ATXN10: variants seen among roughly 807,000 people sequenced by gnomAD.
ATXN10 encodes the protein ataxin-10.
Under a neutral mutation model 52.9 loss-of-function variants are expected in ATXN10, and 28 were observed. The observed-to-expected ratio is 0.53, with a 90% CI of 0.39 to 0.73. The LOEUF is 0.73. ATXN10 is among the 30% of genes least tolerant of loss of function. ATXN10 has a pLI of 0.00. For synonymous variants in ATXN10, 226 were observed against 221.5 expected (o/e 1.02, Z -0.18); for missense variants, 565 against 577.0 (o/e 0.98, Z 0.21).
intron 10 of ATXN10, among the ~76,000 whole-genome samples, chr22:45,830,425 C>T (rs1297691231): frequency 1.3e-5 from 2 of 152,086 alleles, no homozygotes; most frequent in African/African-American, 4.8e-5. Flanking sequence ...AAAATGTAAT[C>T]CACAGAATGG....
rs1555896250 is a variant in ATXN10, at chr22:45,795,415, A to ATTCTATTGTT, written c.1174-11537_1174-11536insGTTTTCTATT. ...ATTCTATTCTATTCTATTCTATTCT[A>ATTCTATTGTT]TTCTATTCTTTTTGAGATGAAGTCT... On this transcript the variant is annotated intron_variant, in intron 9 of 11. Transcript: ENST00000252934. This position sits in a 1 kb window ranked among gnomAD's most constrained non-coding sequence, Gnocchi z 4.6. 0.025 allele frequency among the ~76,000 whole-genome samples: 3,302 copies of ATTCTATTGTT among 134,188 alleles called. 75 individuals are homozygous for ATTCTATTGTT. Among genetic ancestry groups the ATTCTATTGTT allele is most frequent in the Non-Finnish European group, 0.039 (2,366 of 61,370 alleles). 88.0% of individuals were successfully genotyped at this position (134,188 alleles called of 152,430 possible). A position where few individuals can be genotyped will look rare whatever the true frequency, so the allele number is the denominator to read the frequency against.
chr22:45,792,598 G>T (rs985759669), intron 9 of ATXN10: 2 of 194,524 alleles, frequency 1.0e-5, no homozygotes, highest in African/African-American at 2.3e-5. Context: ...AGGGGATGGT[G>T]CTCTCCTTGG....
chr22:45,697,706 T>G (rs936682230), intron 3 of ATXN10, among the ~76,000 whole-genome samples: 7 of 152,182 alleles, frequency 4.6e-5, no homozygotes, highest in African/African-American at 9.6e-5. Flanking sequence ...CTCGGCTCAC[T>G]GCAGGCTCCG....
At chr22:45,778,499 A>T (rs1303310455) in intron 9 of ATXN10, among the ~76,000 whole-genome samples, 1 of 152,242 alleles carries the variant, frequency 6.6e-6, no homozygotes, top group African/African-American at 2.4e-5. Flanking sequence ...TATGCTAACT[A>T]TAGGGTTGTT....
intron 10 of ATXN10, among the ~76,000 whole-genome samples, chr22:45,813,257 T>C (rs1474788868): frequency 1.3e-5 from 2 of 152,196 alleles, no homozygotes; most frequent in Non-Finnish European, 2.9e-5. Context: ...TAGAAACAGC[T>C]GAACTTTATT....
At chr22:45,746,450 C>T (rs1336801998) in intron 9 of ATXN10, among the ~76,000 whole-genome samples, 1 of 151,856 alleles carries the variant, frequency 6.6e-6, no homozygotes, top group Non-Finnish European at 1.5e-5. Flanking sequence ...GGATTAGTAC[C>T]TGTTTTGTAC....
intron 2 of ATXN10, among the ~76,000 whole-genome samples, chr22:45,691,346 C>T (rs970946772): frequency 6.6e-6 from 1 of 152,186 alleles, no homozygotes; most frequent in African/African-American, 2.4e-5. Flanking sequence ...AGTGAGCATT[C>T]GTTGAGCCTG....
At position 45,823,873 on chromosome 22, in the gene ATXN10, G is replaced by A. The variant is rs1014295441; in HGVS notation, c.1237+16851G>A. ...GGTAGGTGGGCACACCCCCTGCTAG[G>A]CTTGGGGGCAGGCACTCAGGTCACC... On this transcript the variant is annotated intron_variant, in intron 10 of 11. Coordinates refer to ENST00000252934, the MANE Select transcript of ATXN10 (RefSeq NM_013236.4). The surrounding 1 kb of genome is among the most constrained non-coding windows in gnomAD (Gnocchi z 4.9). Among the ~76,000 whole-genome samples the A allele has an allele frequency of 1.3e-5, 2 of 152,226 alleles. No homozygotes were observed. The highest frequency in any genetic ancestry group is 4.8e-5 in the African/African-American group (2 of 41,460).
rs1929386914 is a variant in ATXN10 at position 45,842,710 on chromosome 22, C to A, written c.1238-281C>A. Among the ~76,000 whole-genome samples, 2 of 152,164 alleles carry A rather than the reference C, an allele frequency of 1.3e-5. No individual in the cohort carries two copies. Among genetic ancestry groups the A allele is most frequent in the African/African-American group, 4.8e-5 (2 of 41,450 alleles). Reference sequence around the variant, plus strand: ...TTTGAGCTACTCTAAGTCTTTGCTTCCTTGTTCATTCATTCAACAAATACT... The same window carrying A: ...TTTGAGCTACTCTAAGTCTTTGCTTACTTGTTCATTCATTCAACAAATACT... On this transcript the variant is annotated intron_variant, in intron 10 of 11. Transcript: ENST00000252934. The surrounding 1 kb of genome is among the most constrained non-coding windows in gnomAD (Gnocchi z 4.8).
At chr22:45,702,091 T>C (rs1407172340) in intron 4 of ATXN10, among the ~76,000 whole-genome samples, 1 of 152,120 alleles carries the variant, frequency 6.6e-6, no homozygotes, top group African/African-American at 2.4e-5. Flanking sequence ...TTATCTGAAA[T>C]AGATGAATAA....
At chr22:45,767,573 T>TA (rs1926629562) in intron 9 of ATXN10, among the ~76,000 whole-genome samples, 1 of 152,054 alleles carries the variant, frequency 6.6e-6, no homozygotes, top group Non-Finnish European at 1.5e-5. Context: ...GGATAGAAAC[T>TA]AAAATTCTTT....
chr22:45,709,056 A>G (rs977562777), intron 5 of ATXN10, among the ~76,000 whole-genome samples: 2 of 152,156 alleles, frequency 1.3e-5, no homozygotes, highest in Admixed American at 6.5e-5. Flanking sequence ...TTTATTTTGT[A>G]TTCTCTAGGG....
intron 9 of ATXN10, among the ~76,000 whole-genome samples, chr22:45,804,943 A>G (rs1323051315): frequency 2.0e-5 from 3 of 152,184 alleles, no homozygotes; most frequent in Non-Finnish European, 4.4e-5. Context: ...GGCTATTAAC[A>G]TGTTGTAATC....
intron 3 of ATXN10, 80 bp downstream of exon 3, chr22:45,693,158 C>T: frequency 9.3e-7 from 1 of 1,074,928 alleles, no homozygotes. Context: ...TAACATCATT[C>T]ATTGAAACAC....
intron 9 of ATXN10, among the ~76,000 whole-genome samples, chr22:45,765,773 T>C (rs1926560215): frequency 6.6e-6 from 1 of 152,238 alleles, no homozygotes; most frequent in South Asian, 2.1e-4. Flanking sequence ...TACCATGTGC[T>C]TAGGTAAAAA....
chr22:45,748,627 A>G (rs17573516), intron 9 of ATXN10, among the ~76,000 whole-genome samples: 12,942 of 152,246 alleles, frequency 0.085, 703 homozygotes, highest in Middle Eastern at 0.17. Context: ...TACAGGGCAT[A>G]TGTCTTACCT....
At position 45,833,578 on chromosome 22, in the gene ATXN10, T is replaced by A. The variant is rs1929063199; in HGVS notation, c.1238-9413T>A. The stretch of plus-strand genomic sequence containing the variant: ...TTATAACTTAGGTGGGTTTACTTTT[T>A]CTGCTCCAAATTTTTATTTCACTTT... On this transcript the variant is annotated intron_variant, in intron 10 of 11. Coordinates refer to ENST00000252934, the MANE Select transcript of ATXN10 (RefSeq NM_013236.4). The surrounding 1 kb of genome is among the most constrained non-coding windows in gnomAD (Gnocchi z 4.3). 6.6e-6 allele frequency among the ~76,000 whole-genome samples: 1 copy of A among 152,240 alleles called. No homozygotes were observed. Among genetic ancestry groups the A allele is most frequent in the Non-Finnish European group, 1.5e-5 (1 of 68,026 alleles).
At position 45,763,979 on chromosome 22, in the gene ATXN10, C is replaced by T. The variant is rs1926490872; in HGVS notation, c.1173+23441C>T. 6.6e-6 allele frequency among the ~76,000 whole-genome samples: 1 copy of T among 151,884 alleles called. No homozygotes were observed. On this transcript the variant is annotated intron_variant, in intron 9 of 11. Transcript: ENST00000252934. This position sits in a 1 kb window ranked among gnomAD's most constrained non-coding sequence, Gnocchi z 6.9. ...TATTGGAGAAAATTATAATACCTGA[C>T]TTGTGAGTTCCATTCCAGAATTCGG...
rs758182516 is a variant in ATXN10, at chr22:45,790,495, A to G, written c.1174-16464A>G. ...CAATACTTCTTACTTGTTGCCAACT[A>G]GCAGACCATAGCAGAAAGTCTGTGA... On this transcript the variant is annotated intron_variant, in intron 9 of 11. Coordinates refer to ENST00000252934, the MANE Select transcript of ATXN10 (RefSeq NM_013236.4). The surrounding 1 kb of genome is among the most constrained non-coding windows in gnomAD (Gnocchi z 4.7). Among the ~76,000 whole-genome samples, 12 of 152,248 alleles carry G rather than the reference A, an allele frequency of 7.9e-5. No homozygotes were observed. Among genetic ancestry groups the G allele is most frequent in the Non-Finnish European group, 1.3e-4 (9 of 68,044 alleles).
Sources: gnomAD v4.1 joint callset for allele counts (sites outside exome capture counted in the v4.1 genomes callset) on GRCh38, gnomAD v4.1.1 for gene constraint, Gnocchi (gnomAD v3.1) non-coding constraint, MANE v1.5 for transcripts, NCBI Gene and HGNC (gene_info 2026-07-23, HGNC 2026-07-21) for gene names.